The following VPS41 variants were observed in gnomAD, a reference collection of about 807,000 sequenced individuals.
The protein encoded by VPS41 is VPS41 subunit of HOPS complex, also known as vacuolar protein sorting-associated protein 41 homolog.
Under a neutral mutation model 130.9 loss-of-function variants are expected in VPS41, and 85 were observed. That is an observed-to-expected ratio of 0.65 (90% CI 0.55 to 0.78). The LOEUF is 0.78. VPS41 is among the 30% of genes least tolerant of loss of function. The pLI, the probability that VPS41 is intolerant of heterozygous loss-of-function variation, is 0.00. For missense variants in VPS41, 874 were observed against 1,018.7 expected (o/e 0.86, Z 1.93); for synonymous variants, 335 against 332.9 (o/e 1.01, Z -0.07).
intron 4 of VPS41, among the ~76,000 whole-genome samples, chr7:38,854,756 T>C (rs2116279077): frequency 6.6e-6 from 1 of 151,966 alleles, no homozygotes; most frequent in South Asian, 2.1e-4. Flanking sequence ...CAGAGATAAA[T>C]TACACAAACT....
chr7:38,778,859 A>C (rs2115882204), intron 10 of VPS41, among the ~76,000 whole-genome samples: 1 of 152,278 alleles, frequency 6.6e-6, no homozygotes, highest in Middle Eastern at 3.4e-3. Context: ...AAGGTAACCA[A>C]ATATACATCA....
chr7:38,852,725 C>T (rs1315499508), intron 4 of VPS41, among the ~76,000 whole-genome samples: 1 of 152,172 alleles, frequency 6.6e-6, no homozygotes, highest in Non-Finnish European at 1.5e-5. Context: ...GAAGTATACC[C>T]TGTCATGGTT....
intron 7 of VPS41, among the ~76,000 whole-genome samples, chr7:38,806,757 C>A (rs1178019178): frequency 6.6e-6 from 1 of 152,098 alleles, no homozygotes; most frequent in Admixed American, 6.5e-5. Flanking sequence ...TAGAAAAGTA[C>A]CTCAACAGAA....
intron 24 of VPS41, 57 bp downstream of exon 24, chr7:38,743,345 T>A: frequency 6.2e-7 from 1 of 1,601,012 alleles, no homozygotes; most frequent in South Asian, 1.1e-5. Flanking sequence ...AATCTAGACA[T>A]AACTGGTTAC....
intron 2 of VPS41, among the ~76,000 whole-genome samples, chr7:38,875,417 C>T (rs891824922): frequency 1.3e-5 from 2 of 152,116 alleles, no homozygotes; most frequent in African/African-American, 4.8e-5. Context: ...AGTCTTCAAT[C>T]AGCTTTGTAT....
intron 18 of VPS41, among the ~76,000 whole-genome samples, chr7:38,757,440 T>C (rs968624768): frequency 5.3e-5 from 8 of 152,182 alleles, no homozygotes; most frequent in African/African-American, 1.9e-4. Context: ...ATTGAAACAA[T>C]GTTTTTCACA....
At chr7:38,869,034 G>T in intron 3 of VPS41, 112 bp downstream of exon 3, 1 of 753,732 alleles carries the variant, frequency 1.3e-6, no homozygotes, top group Non-Finnish European at 2.2e-6. Context: ...GCAGTGGCAA[G>T]GAGACAGAAT....
chr7:38,822,664 T>A (rs956274752), intron 5 of VPS41, among the ~76,000 whole-genome samples: 3 of 152,252 alleles, frequency 2.0e-5, no homozygotes, highest in Non-Finnish European at 2.9e-5. Flanking sequence ...GGTGGACTTA[T>A]ATACATATTC....
Position 38,826,764 on chromosome 7 carries a change from C to G in VPS41, c.321+3490G>C, listed in dbSNP as rs1479706547. On this transcript the variant is annotated intron_variant, in intron 5 of 28. Coordinates refer to ENST00000310301, the MANE Select transcript of VPS41 (RefSeq NM_014396.4). ...CTGCTAACCACTAGACAACACCCAT[C>G]TGACACTCTATGGCATATAAAAAGT... Among the ~76,000 whole-genome samples the G allele has an allele frequency of 2.6e-5, 4 of 152,170 alleles. No individual in the cohort carries two copies. In the East Asian group the frequency reaches 7.7e-4, roughly 29 times the overall value.
Position 38,776,657 on chromosome 7 carries a change from T to C in VPS41, c.882+22A>G, listed in dbSNP as rs752708841. On this transcript the variant is annotated intron_variant, in intron 11 of 28. Transcript: ENST00000310301. ...AAAAGTGAACCCCCACATGCCTTTGTATCTGGGGAGAAAATAATTACCGTT... is the reference window on the plus strand; with the variant it reads ...AAAAGTGAACCCCCACATGCCTTTGCATCTGGGGAGAAAATAATTACCGTT... 10 of 1,405,784 alleles carry C rather than the reference T, an allele frequency of 7.1e-6. No individual in the cohort carries two copies. The East Asian group carries it at 2.3e-4, about 32-fold the overall frequency. The allele number at this position is 1,405,784 out of a possible 1,614,324, so 87.1% of individuals were successfully genotyped here. A position where few individuals can be genotyped will look rare whatever the true frequency, so the allele number is the denominator to read the frequency against.
chr7:38,875,511 A>G (rs563469129), intron 2 of VPS41, among the ~76,000 whole-genome samples: 5 of 152,334 alleles, frequency 3.3e-5, no homozygotes, highest in African/African-American at 1.2e-4. Flanking sequence ...CTATAGTTCT[A>G]TTAAAGAAAG....
At chr7:38,882,944 T>TA (rs1786644716) in intron 2 of VPS41, among the ~76,000 whole-genome samples, 1 of 152,082 alleles carries the variant, frequency 6.6e-6, no homozygotes, top group East Asian at 1.9e-4. Context: ...CAGCTTACAG[T>TA]AAAAAATAAA....
chr7:38,832,319 C>CTTTTTTTTTT (rs543207806), intron 4 of VPS41, among the ~76,000 whole-genome samples: 87 of 114,730 alleles, frequency 7.6e-4, no homozygotes, highest in Non-Finnish European at 1.3e-3. Flanking sequence ...TTCTTTCTTT[C>CTTTTTTTTTT]TTTTTTTTTT....
At chr7:38,831,754 C>A (rs2116177665) in intron 4 of VPS41, among the ~76,000 whole-genome samples, 1 of 152,330 alleles carries the variant, frequency 6.6e-6, no homozygotes, top group Non-Finnish European at 1.5e-5. Context: ...CTCCATCTCA[C>A]AATGAGGAAA....
chr7:38,750,623 A>C (rs1783650248), intron 22 of VPS41, among the ~76,000 whole-genome samples: 1 of 152,244 alleles, frequency 6.6e-6, no homozygotes, highest in African/African-American at 2.4e-5. Context: ...CCATATGTGT[A>C]GGAAGCATCA....
At chr7:38,735,222 G>T (rs1196403966) in intron 25 of VPS41, among the ~76,000 whole-genome samples, 1 of 152,118 alleles carries the variant, frequency 6.6e-6, no homozygotes, top group African/African-American at 2.4e-5. Flanking sequence ...TTTATTTCAT[G>T]AACATATAAA....
At chr7:38,764,980 C>T (rs1784007235) in intron 16 of VPS41, among the ~76,000 whole-genome samples, 2 of 152,030 alleles carry the variant, frequency 1.3e-5, no homozygotes, top group Admixed American at 6.6e-5. Flanking sequence ...AGGAGTCACA[C>T]GGTTGACAAG....
chr7:38,794,481 T>C (rs756479827), intron 9 of VPS41, among the ~76,000 whole-genome samples: 1 of 152,258 alleles, frequency 6.6e-6, no homozygotes, highest in Non-Finnish European at 1.5e-5. Context: ...GTCCCCTTCA[T>C]GACATTGCTA....
chr7:38,768,879 C>T (rs2115824674), intron 14 of VPS41, among the ~76,000 whole-genome samples: 1 of 152,244 alleles, frequency 6.6e-6, no homozygotes, highest in East Asian at 1.9e-4. Flanking sequence ...TTAAGTGCCT[C>T]TCTTACACAA....
Sources: gnomAD v4.1 joint callset for allele counts (sites outside exome capture counted in the v4.1 genomes callset) on GRCh38, gnomAD v4.1.1 for gene constraint, MANE v1.5 for transcripts, NCBI Gene and HGNC (gene_info 2026-07-23, HGNC 2026-07-21) for gene names.